Variants in RNF24 observed in about 807,000 individuals in gnomAD.
RNF24 encodes ring finger protein 24.
In RNF24, 14 loss-of-function variants were observed where a neutral mutation model predicts 20.0. That is an observed-to-expected ratio of 0.70 (90% CI 0.46 to 1.10). The LOEUF (loss-of-function observed/expected upper bound fraction) is 1.10. Among genes scored for constraint, RNF24 ranks in the 50% least tolerant of loss-of-function variants. The probability of loss-of-function intolerance (pLI) is 0.00; values close to 1 mark genes in which losing one functional copy is unlikely to be tolerated. For missense variants in RNF24, 124 were observed against 177.6 expected (o/e 0.70, Z 1.71); for synonymous variants, 45 against 61.1 (o/e 0.74, Z 1.23).
chr20:3,955,582 T>C (rs993388763), intron 2 of RNF24, among the ~76,000 whole-genome samples: 3 of 152,222 alleles, frequency 2.0e-5, no homozygotes, highest in African/African-American at 7.2e-5. Flanking sequence ...CTATTTGTTT[T>C]TCTTTTTCAA....
At chr20:3,962,158 G>C (rs374307825) in intron 2 of RNF24, among the ~76,000 whole-genome samples, 1 of 152,046 alleles carries the variant, frequency 6.6e-6, no homozygotes, top group African/African-American at 2.4e-5. Context: ...TTTCAGACCA[G>C]CCTGGGAAAC....
At chr20:4,014,136 A>G (rs1452883348) in intron 1 of RNF24, among the ~76,000 whole-genome samples, 2 of 152,248 alleles carry the variant, frequency 1.3e-5, no homozygotes, top group East Asian at 1.9e-4. Flanking sequence ...GTTTTCCAGT[A>G]GTCCTGTAAG....
intron 1 of RNF24, among the ~76,000 whole-genome samples, chr20:4,007,912 C>T (rs563971183): frequency 6.6e-6 from 1 of 151,544 alleles, no homozygotes; most frequent in African/African-American, 2.4e-5. Flanking sequence ...ACAAGACTCT[C>T]TCTCTTAAAA....
chr20:4,001,503 A>T (rs1981385832), intron 1 of RNF24, among the ~76,000 whole-genome samples: 1 of 152,226 alleles, frequency 6.6e-6, no homozygotes, highest in East Asian at 1.9e-4. Context: ...TAAAATAGTT[A>T]TTGATATGAA....
chr20:3,962,956 C>T (rs1473217731), intron 2 of RNF24, among the ~76,000 whole-genome samples: 2 of 151,994 alleles, frequency 1.3e-5, no homozygotes, highest in Non-Finnish European at 2.9e-5. Context: ...CCACCTCAGC[C>T]TCCCAGTGTT....
At chr20:3,991,247 C>CTTTTTT (rs10599625) in intron 1 of RNF24, among the ~76,000 whole-genome samples, 1 of 82,784 alleles carries the variant, frequency 1.2e-5, no homozygotes, top group Non-Finnish European at 2.4e-5. Context: ...TTTTAAACAA[C>CTTTTTT]TTTTTTTTTT....
chr20:4,001,569 C>A (rs1981390561), intron 1 of RNF24, among the ~76,000 whole-genome samples: 1 of 152,026 alleles, frequency 6.6e-6, no homozygotes, highest in Admixed American at 6.6e-5. Context: ...TGAAATATTA[C>A]TTAAAAGACA....
chr20:3,960,436 G>A lies in RNF24; in HGVS notation c.143+3439C>T, dbSNP rs575488912. Among the ~76,000 whole-genome samples the A allele has an allele frequency of 2.0e-3, 300 of 152,318 alleles. 2 individuals carry two copies. Among genetic ancestry groups the A allele is most frequent in the African/African-American group, 6.7e-3 (279 of 41,572 alleles). On this transcript the variant is annotated intron_variant, in intron 2 of 5. Transcript: ENST00000358395. The stretch of plus-strand genomic sequence containing the variant: ...TGTAATCCCAGCACTTTGGGAGGCT[G>A]AGGCAGGCGGATCACAAGATCAAGA...
chr20:3,942,170 AAT>A (rs2090964200), intron 4 of RNF24, among the ~76,000 whole-genome samples: 1 of 137,800 alleles, frequency 7.3e-6, no homozygotes, highest in African/African-American at 3.0e-5. Flanking sequence ...ATATCAGAAA[AAT>A]ATTTTTTTTT....
chr20:3,974,531 T>C, intron 1 of RNF24: 1 of 854,334 alleles, frequency 1.2e-6, no homozygotes, highest in African/African-American at 1.7e-5. Flanking sequence ...AAAAAATTTC[T>C]AAAACTAATA....
chr20:3,998,069 G>A (rs369446922), intron 1 of RNF24, among the ~76,000 whole-genome samples: 1 of 152,184 alleles, frequency 6.6e-6, no homozygotes, highest in African/African-American at 2.4e-5. Flanking sequence ...GTCCCCAACA[G>A]CTCATTTATA....
At chr20:3,960,933 A>G (rs2091195093) in intron 2 of RNF24, among the ~76,000 whole-genome samples, 1 of 151,996 alleles carries the variant, frequency 6.6e-6, no homozygotes, top group Non-Finnish European at 1.5e-5. Flanking sequence ...AGCTGGGACT[A>G]CAGGCGTGTG....
intron 1 of RNF24, among the ~76,000 whole-genome samples, chr20:3,972,985 A>T (rs1012781088): frequency 2.0e-5 from 3 of 151,794 alleles, no homozygotes; most frequent in Admixed American, 2.0e-4. Context: ...GGTGGATCAC[A>T]TGAGGTTAGG....
Position 3,931,353 on chromosome 20 carries a change from G to A in RNF24, c.*2710C>T, listed in dbSNP as rs1018046073. On this transcript the variant is annotated 3_prime_UTR_variant, in exon 6 of 6. Coordinates refer to ENST00000358395, the MANE Select transcript of RNF24 (RefSeq NM_001134337.3). Reference sequence around the variant, plus strand: ...TGACTTTACCATGGGGTTCGAGTCTGAGCCAAGAGAGTTATAAAGGGGTCC... The same window carrying A: ...TGACTTTACCATGGGGTTCGAGTCTAAGCCAAGAGAGTTATAAAGGGGTCC... 5.9e-5 allele frequency: 9 copies of A among 152,184 alleles called. No individual in the cohort carries two copies. Among genetic ancestry groups the A allele is most frequent in the Non-Finnish European group, 1.0e-4 (7 of 68,044 alleles). 9.4% of individuals were successfully genotyped at this position (152,184 alleles called of 1,614,324 possible). A position where few individuals can be genotyped will look rare whatever the true frequency, so the allele number is the denominator to read the frequency against.
At chr20:3,952,453 C>G (rs932287954) in intron 2 of RNF24, among the ~76,000 whole-genome samples, 1 of 152,048 alleles carries the variant, frequency 6.6e-6, no homozygotes, top group African/African-American at 2.4e-5. Context: ...AATAGTTTCT[C>G]TGTAAAAACT....
chr20:3,977,904 G>T (rs1226232558), intron 1 of RNF24, among the ~76,000 whole-genome samples: 3 of 151,076 alleles, frequency 2.0e-5, no homozygotes, highest in African/African-American at 7.3e-5. Context: ...CCACGATTTG[G>T]CACACACACA....
chr20:3,956,279 T>C (rs775921918), intron 2 of RNF24, among the ~76,000 whole-genome samples: 1 of 151,396 alleles, frequency 6.6e-6, no homozygotes, highest in African/African-American at 2.4e-5. Flanking sequence ...TTTTTTTTAA[T>C]AAATGCCCTT....
intron 1 of RNF24, chr20:3,974,301 T>C (rs1228737063): frequency 6.5e-7 from 1 of 1,548,438 alleles, no homozygotes. Flanking sequence ...CAGCTAATAT[T>C]ATTCTTAATT....
chr20:3,997,752 A>G (rs1981008554), intron 1 of RNF24, among the ~76,000 whole-genome samples: 1 of 152,230 alleles, frequency 6.6e-6, no homozygotes, highest in African/African-American at 2.4e-5. Context: ...TGCTAAGACT[A>G]TAGATACTTA....
Sources: gnomAD v4.1 joint callset for allele counts (sites outside exome capture counted in the v4.1 genomes callset) on GRCh38, gnomAD v4.1.1 for gene constraint, MANE v1.5 for transcripts, NCBI Gene and HGNC (gene_info 2026-07-23, HGNC 2026-07-21) for gene names.